MAMDC2: variants seen among roughly 807,000 people sequenced by gnomAD.
The protein encoded by MAMDC2 is MAM domain containing 2, also known as MAM domain-containing protein 2.
MAMDC2 carries 57 observed loss-of-function variants against 89.8 expected under a neutral mutation model. That is an observed-to-expected ratio of 0.63 (90% CI 0.51 to 0.79). The LOEUF is 0.79. Among genes scored for constraint, MAMDC2 ranks in the 30% least tolerant of loss-of-function variants. The pLI is 0.00. For missense variants in MAMDC2, 800 were observed against 820.6 expected, an observed-to-expected ratio of 0.97 and a Z score of 0.31; for synonymous variants, 313 against 293.4, an observed-to-expected ratio of 1.07 and a Z score of -0.68.
chr9:70,131,774 CTTTT>C (rs1338290540), intron 7 of MAMDC2, among the ~76,000 whole-genome samples, 162 bp downstream of exon 7: 1 of 152,202 alleles, frequency 6.6e-6, no homozygotes, highest in Admixed American at 6.5e-5. Flanking sequence ...ATATTACTCT[CTTTT>C]CCTCCCTCAC....
intron 11 of MAMDC2, among the ~76,000 whole-genome samples, chr9:70,211,026 T>C (rs1440115854): frequency 1.3e-5 from 2 of 152,246 alleles, no homozygotes; most frequent in African/African-American, 2.4e-5. Flanking sequence ...CTTCCCTTTA[T>C]GGGTAACCTG....
chr9:70,098,441 G>A (rs1828082093), intron 2 of MAMDC2, among the ~76,000 whole-genome samples: 2 of 152,204 alleles, frequency 1.3e-5, no homozygotes, highest in African/African-American at 4.8e-5. Flanking sequence ...AGGGAGTGGG[G>A]AGGTGCACTA....
chr9:70,076,308 C>T (rs935161459), intron 2 of MAMDC2, among the ~76,000 whole-genome samples: 8 of 152,014 alleles, frequency 5.3e-5, no homozygotes, highest in African/African-American at 1.9e-4. Flanking sequence ...GTAGTTTCAG[C>T]TACTCAGGAG....
At chr9:70,171,957 T>C (rs571308523) in intron 11 of MAMDC2, 1 of 151,550 alleles carries the variant, frequency 6.6e-6, no homozygotes, top group African/African-American at 2.4e-5. Flanking sequence ...AAGCTTGATC[T>C]AACTCAAGAT....
intron 2 of MAMDC2, chr9:70,082,730 G>T (rs1043771430): frequency 6.6e-6 from 1 of 152,154 alleles, no homozygotes; most frequent in African/African-American, 2.4e-5. Context: ...ACTAGCCCAG[G>T]TTTGGGTCTG....
intron 11 of MAMDC2, among the ~76,000 whole-genome samples, chr9:70,202,277 C>T (rs1177494676): frequency 6.6e-6 from 1 of 151,276 alleles, no homozygotes; most frequent in Admixed American, 6.6e-5. Flanking sequence ...TGGTTTCAAA[C>T]AACATCTTTA....
chr9:70,048,273 G>T (rs1426381937), intron 2 of MAMDC2, among the ~76,000 whole-genome samples: 1 of 152,084 alleles, frequency 6.6e-6, no homozygotes, highest in East Asian at 1.9e-4. Context: ...ATCTGTTTTT[G>T]TTTTTTGTTT....
At chr9:70,199,608 T>A (rs1382162865) in intron 11 of MAMDC2, among the ~76,000 whole-genome samples, 1 of 74,056 alleles carries the variant, frequency 1.4e-5, no homozygotes, top group Admixed American at 1.8e-4. Flanking sequence ...TAGTTCTAGA[T>A]CCCTGAGGAA....
intron 2 of MAMDC2, among the ~76,000 whole-genome samples, chr9:70,061,141 T>C (rs2997664): frequency 0.35 from 53,922 of 152,056 alleles, 10,793 homozygotes; most frequent in African/African-American, 0.54. Context: ...ATCTGTGTTC[T>C]CCAGGCCCAC....
intron 11 of MAMDC2, chr9:70,188,762 A>ATTTTTTTTTTTTTTTTT (rs10701601): frequency 2.1e-5 from 2 of 95,148 alleles, no homozygotes; most frequent in Non-Finnish European, 3.7e-5. Context: ...AAAACAATTG[A>ATTTTTTTTTTTTTTTTT]TTTTTTTTTT....
chr9:70,129,340 T>C (rs553046343), intron 6 of MAMDC2, among the ~76,000 whole-genome samples: 2 of 152,322 alleles, frequency 1.3e-5, no homozygotes, highest in South Asian at 4.1e-4. Flanking sequence ...AGATGTGACT[T>C]GCTCCTCTTT....
At chr9:70,225,114 TAAGTA>T (rs2033622584) in intron 12 of MAMDC2, among the ~76,000 whole-genome samples, 1 of 152,206 alleles carries the variant, frequency 6.6e-6, no homozygotes, top group Non-Finnish European at 1.5e-5. Flanking sequence ...TAGAGCTGGT[TAAGTA>T]ATCTATTTTT....
intron 9 of MAMDC2, among the ~76,000 whole-genome samples, chr9:70,158,192 C>T (rs999739725): frequency 1.3e-5 from 2 of 152,088 alleles, no homozygotes; most frequent in African/African-American, 2.4e-5. Flanking sequence ...TGGGCTCAAG[C>T]GATCCACCCA....
At chr9:70,050,657 C>G (rs776566060) in intron 2 of MAMDC2, among the ~76,000 whole-genome samples, 9 of 152,134 alleles carry the variant, frequency 5.9e-5, no homozygotes, top group Non-Finnish European at 1.2e-4. Flanking sequence ...TGTCTTTTAT[C>G]AACATCATAA....
At chr9:70,099,522 A>G (rs1828108479) in intron 2 of MAMDC2, among the ~76,000 whole-genome samples, 1 of 152,118 alleles carries the variant, frequency 6.6e-6, no homozygotes, top group Non-Finnish European at 1.5e-5. Context: ...CTTTGCATGT[A>G]TTATTGTCCA....
intron 2 of MAMDC2, among the ~76,000 whole-genome samples, chr9:70,055,978 C>T (rs1337631479): frequency 6.6e-6 from 1 of 152,140 alleles, no homozygotes; most frequent in Admixed American, 6.5e-5. Flanking sequence ...AATAGAATGG[C>T]AATGTTTCTA....
chr9:70,082,934 C>G (rs949959885), intron 2 of MAMDC2: 2 of 151,876 alleles, frequency 1.3e-5, no homozygotes, highest in East Asian at 1.9e-4. Context: ...AATGCCTCTC[C>G]CCCACTACAT....
Position 70,203,194 on chromosome 9 carries a change from C to T in MAMDC2, c.1652-15143C>T, listed in dbSNP as rs540441872. Among the ~76,000 whole-genome samples, 12 of 152,112 alleles carry T rather than the reference C, an allele frequency of 7.9e-5. 1 individual carries two copies. Among genetic ancestry groups the T allele is most frequent in the South Asian group, 2.1e-4 (1 of 4,816 alleles). ...GGCATGATTTTGCAGCGGCTGGTAC[C>T]GGTTGTTCCTTTCCATGTTTAGCGC... On this transcript the variant is annotated intron_variant, in intron 11 of 13. Transcript: ENST00000377182.
At chr9:70,134,316 C>T (rs1412162162) in intron 7 of MAMDC2, among the ~76,000 whole-genome samples, 1 of 145,726 alleles carries the variant, frequency 6.9e-6, no homozygotes, top group Non-Finnish European at 1.5e-5. Flanking sequence ...TCCAGAGGAC[C>T]GTGAGACCAT....
Sources: allele counts gnomAD v4.1 joint callset (sites outside exome capture counted in the v4.1 genomes callset), GRCh38; gene constraint gnomAD v4.1.1; transcripts MANE v1.5; gene names NCBI Gene and HGNC (gene_info 2026-07-23, HGNC 2026-07-21).